CNKSR3: variants seen among roughly 807,000 people sequenced by gnomAD.
The protein encoded by CNKSR3 is connector enhancer of kinase suppressor of ras 3.
A neutral mutation model predicts 67.7 loss-of-function variants in CNKSR3; 36 were observed. The ratio of observed to expected loss-of-function variants is 0.53; its 90% CI spans 0.41 to 0.70. CNKSR3 has a LOEUF of 0.70. Among genes scored for constraint, CNKSR3 ranks in the 30% least tolerant of loss-of-function variants. The probability of loss-of-function intolerance (pLI) is 0.00; values close to 1 mark genes in which losing one functional copy is unlikely to be tolerated. For missense variants in CNKSR3, 630 were observed against 695.2 expected (o/e 0.91, Z 1.05); for synonymous variants, 281 against 271.4 (o/e 1.04, Z -0.35).
chr6:154,510,341 C>A lies in CNKSR3; in HGVS notation c.-227G>T, dbSNP rs892315794. On this transcript the variant is annotated 5_prime_UTR_variant, in exon 1 of 13. Transcript: ENST00000607772. ...CACAGTCCAGCTGCAGCTCCTCCTT[C>A]CCCCGCCGCCGCCGGGATCCCGGGC... The A allele has an allele frequency of 7.3e-6, 4 of 547,140 alleles. No individual in the cohort carries two copies. The highest frequency in any genetic ancestry group is 1.3e-5 in the Non-Finnish European group (4 of 312,660). 33.9% of individuals were successfully genotyped at this position (547,140 alleles called of 1,614,324 possible).
At chr6:154,413,139 TACAC>T (rs60788837) in intron 10 of CNKSR3, among the ~76,000 whole-genome samples, 5,981 of 145,068 alleles carry the variant, frequency 0.041, 149 homozygotes, top group Non-Finnish European at 0.059. Context: ...GAATTTATGG[TACAC>T]ACACACACAC....
chr6:154,446,698 C>G (rs113100964), intron 2 of CNKSR3, among the ~76,000 whole-genome samples: 1,887 of 152,182 alleles, frequency 0.012, 39 homozygotes, highest in African/African-American at 0.043. Flanking sequence ...CTGTTCATTT[C>G]TCAACCTCCT....
At chr6:154,428,818 G>A (rs1403356955) in intron 6 of CNKSR3, among the ~76,000 whole-genome samples, 1 of 152,112 alleles carries the variant, frequency 6.6e-6, no homozygotes, top group Admixed American at 6.5e-5. Context: ...ACCACACCCA[G>A]CCAAAGAACA....
At chr6:154,464,047 G>T (rs1786140319) in intron 1 of CNKSR3, among the ~76,000 whole-genome samples, 1 of 152,188 alleles carries the variant, frequency 6.6e-6, no homozygotes, top group Non-Finnish European at 1.5e-5. Flanking sequence ...TGCAAAAGTA[G>T]TGTTTCTGAG....
chr6:154,438,719 C>T (rs189171743), intron 4 of CNKSR3, among the ~76,000 whole-genome samples: 139 of 152,266 alleles, frequency 9.1e-4, no homozygotes, highest in African/African-American at 3.1e-3. Context: ...AAAATGAATG[C>T]GGAAACAAAC....
Position 154,399,657 on chromosome 6 carries a change from CTCAGTTGGAGTG to C in CNKSR3, c.*6685_*6696del, listed in dbSNP as rs1163217409. On this transcript the variant is annotated 3_prime_UTR_variant, in exon 13 of 13. Transcript: ENST00000607772. ...ATCCCTCCTCTTATCCTGGTGCAGC[CTCAGTTGGAGTG>C]ACAGGAAGTTTAGATATGAGTAAGA... 3 of 152,026 alleles carry C rather than the reference CTCAGTTGGAGTG, an allele frequency of 2.0e-5. No individual in the cohort carries two copies. The highest frequency in any genetic ancestry group is 4.8e-5 in the African/African-American group (2 of 41,400). The allele number at this position is 152,026 out of a possible 1,614,324, so 9.4% of individuals were successfully genotyped here.
At chr6:154,428,395 G>A (rs924574420) in intron 6 of CNKSR3, among the ~76,000 whole-genome samples, 1 of 152,194 alleles carries the variant, frequency 6.6e-6, no homozygotes, top group African/African-American at 2.4e-5. Flanking sequence ...TAAAACATGT[G>A]ATCTCTTTGA....
intron 4 of CNKSR3, among the ~76,000 whole-genome samples, chr6:154,437,595 T>C (rs908545643): frequency 1.3e-5 from 2 of 151,986 alleles, no homozygotes; most frequent in Admixed American, 6.6e-5. Context: ...TTTGTATTTT[T>C]AGTACAGATG....
At chr6:154,478,791 C>T (rs1366394460) in intron 1 of CNKSR3, among the ~76,000 whole-genome samples, 2 of 152,190 alleles carry the variant, frequency 1.3e-5, no homozygotes, top group African/African-American at 4.8e-5. Flanking sequence ...TATCTTGACA[C>T]CTAGCCATGT....
At chr6:154,406,986 A>G (rs6914988) in intron 12 of CNKSR3, among the ~76,000 whole-genome samples, 75,696 of 150,258 alleles carry the variant, frequency 0.5, 19,444 homozygotes, top group East Asian at 0.66. Context: ...ACAATCCCCT[A>G]CACAGTGCTC....
At chr6:154,417,288 C>T (rs1345346223) in intron 9 of CNKSR3, among the ~76,000 whole-genome samples, 1 of 152,210 alleles carries the variant, frequency 6.6e-6, no homozygotes, top group Non-Finnish European at 1.5e-5. Context: ...GGAAAGATTA[C>T]ATACCTTGAC....
chr6:154,406,107 A>G lies in CNKSR3; in HGVS notation c.*247T>C. On this transcript the variant is annotated 3_prime_UTR_variant, in exon 13 of 13. Transcript: ENST00000607772. ...TGTCTTCACATTCTATCTCTGGGGA[A>G]GCAAGACAAACAGGCTCTACCCATT... The G allele has an allele frequency of 4.1e-6, 2 of 488,276 alleles. No individual in the cohort carries two copies. Among genetic ancestry groups the G allele is most frequent in the South Asian group, 2.7e-5 (1 of 36,624 alleles). The allele number at this position is 488,276 out of a possible 1,614,324, so 30.2% of individuals were successfully genotyped here.
At chr6:154,487,750 G>A (rs998342989) in intron 1 of CNKSR3, among the ~76,000 whole-genome samples, 3 of 152,094 alleles carry the variant, frequency 2.0e-5, no homozygotes, top group Non-Finnish European at 2.9e-5. Context: ...AAACAGACGC[G>A]CTGAAGCCAG....
intron 1 of CNKSR3, among the ~76,000 whole-genome samples, chr6:154,486,169 A>G (rs73794116): frequency 0.027 from 4,107 of 152,284 alleles, 172 homozygotes; most frequent in African/African-American, 0.092. Flanking sequence ...CAATATCGCC[A>G]GCCCTCAGGT....
At chr6:154,435,152 C>T (rs1478363959) in intron 4 of CNKSR3, among the ~76,000 whole-genome samples, 1 of 152,072 alleles carries the variant, frequency 6.6e-6, no homozygotes, top group African/African-American at 2.4e-5. Flanking sequence ...CACACCACCA[C>T]ACCTGGCTAA....
intron 2 of CNKSR3, among the ~76,000 whole-genome samples, chr6:154,442,868 G>C (rs995018500): frequency 6.6e-6 from 1 of 151,504 alleles, no homozygotes; most frequent in Non-Finnish European, 1.5e-5. Flanking sequence ...TATTGTCGTA[G>C]ACAGCTCATT....
chr6:154,466,317 A>T (rs1220027637), intron 1 of CNKSR3, among the ~76,000 whole-genome samples: 1 of 152,220 alleles, frequency 6.6e-6, no homozygotes, highest in Non-Finnish European at 1.5e-5. Context: ...GCTTGTAAGT[A>T]GAGAAGGGCC....
At position 154,442,115 on chromosome 6, in the gene CNKSR3, G is replaced by A; in HGVS notation, c.392C>T (p.Ala131Val). 6.2e-7 allele frequency: 1 copy of A among 1,610,828 alleles called. No individual in the cohort carries two copies. Reference sequence around the variant, plus strand: ...GTCCAGCCACGCCAGCAGGGCCTTGGCGGCGCCGATGAGCTCCACCACCGA... The same window carrying A: ...GTCCAGCCACGCCAGCAGGGCCTTGACGGCGCCGATGAGCTCCACCACCGA... ...LTSVVELIGAAKALLAWLDRA... is the reference protein window; with the variant it reads ...LTSVVELIGAVKALLAWLDRA... Residue 131 changes from alanine (A) to valine (V), a missense_variant, in exon 3 of 13, where the codon GCC (alanine) becomes GTC (valine). Transcript: ENST00000607772.
chr6:154,445,945 A>G (rs1042453275), intron 2 of CNKSR3, among the ~76,000 whole-genome samples: 1 of 152,248 alleles, frequency 6.6e-6, no homozygotes, highest in African/African-American at 2.4e-5. Context: ...CTGTAGAAGC[A>G]TAATCAGGAA....
Sources: allele counts gnomAD v4.1 joint callset (sites outside exome capture counted in the v4.1 genomes callset), GRCh38; gene constraint gnomAD v4.1.1; transcripts MANE v1.5; gene names NCBI Gene and HGNC (gene_info 2026-07-23, HGNC 2026-07-21).